AKAP1: variants seen among roughly 807,000 people sequenced by gnomAD.
AKAP1 encodes the protein A-kinase anchor protein 1, mitochondrial.
AKAP1 carries 32 observed loss-of-function variants against 79.8 expected under a neutral mutation model. The observed-to-expected ratio is 0.40, with a 90% confidence interval of 0.30 to 0.54. The LOEUF (loss-of-function observed/expected upper bound fraction) is 0.54, where lower values mean the gene tolerates loss of function less well. AKAP1 is among the 20% of genes least tolerant of loss of function. The pLI is 0.47. For missense variants in AKAP1, 961 were observed against 1,138.9 expected, an observed-to-expected ratio of 0.84 and a Z score of 2.25; for synonymous variants, 416 against 466.7, an observed-to-expected ratio of 0.89 and a Z score of 1.40.
Position 57,090,714 on chromosome 17 carries a change from ACT to A in AKAP1, c.-25+5321_-25+5322del, listed in dbSNP as rs146642274. The stretch of plus-strand genomic sequence containing the variant: ...ACTGAAGTACAGGATCCTACTCTTA[ACT>A]CTCTTGTCTTTCCAAAGCCATATTT... On this transcript the variant is annotated intron_variant, in intron 1 of 10. Transcript: ENST00000337714. 6.4e-3 allele frequency among the ~76,000 whole-genome samples: 970 copies of A among 151,996 alleles called. 12 individuals carry two copies. Among genetic ancestry groups the A allele is most frequent in the African/African-American group, 0.022 (926 of 41,458 alleles).
rs552308780 is a variant in AKAP1, at chr17:57,116,115, G to A, written c.2286G>A (p.Thr762=). The stretch of plus-strand genomic sequence containing the variant: ...ACTCTGCTCCCTACCCTGCAGTAAC[G>A]GTCATCTGTGCCGCCCCTGGTGCGG... ...IPTLPTPVEI[T]VICAAPGADG... is the part of the protein sequence containing the mutation. Residue 762 remains threonine (T), a synonymous_variant, in exon 7 of 11, where the codon ACG becomes ACA. Coordinates refer to ENST00000337714, the MANE Select transcript of AKAP1 (RefSeq NM_003488.4). 34 of 1,612,750 alleles carry A rather than the reference G, an allele frequency of 2.1e-5. No homozygotes were observed. The South Asian group carries it at 3.0e-4, about 14-fold the overall frequency.
At chr17:57,095,389 G>A (rs1852484881) in intron 1 of AKAP1, 1 of 151,108 alleles carries the variant, frequency 6.6e-6, no homozygotes, top group African/African-American at 2.4e-5. Context: ...GGCTGGTCTT[G>A]AGCTCCTGGC....
intron 1 of AKAP1, among the ~76,000 whole-genome samples, chr17:57,104,884 C>T (rs1914744375): frequency 6.6e-6 from 1 of 152,222 alleles, no homozygotes; most frequent in African/African-American, 2.4e-5. Flanking sequence ...TGGTCCCTCA[C>T]CCTGGAGCAT....
At chr17:57,102,386 C>G (rs753888411) in intron 1 of AKAP1, among the ~76,000 whole-genome samples, 43 of 152,054 alleles carry the variant, frequency 2.8e-4, no homozygotes, top group Middle Eastern at 3.2e-3. Context: ...GCTCATATAG[C>G]GCCTCTTCCC....
chr17:57,112,034 A>T, intron 4 of AKAP1, 110 bp downstream of exon 4: 1 of 1,415,024 alleles, frequency 7.1e-7, no homozygotes, highest in South Asian at 1.3e-5. Flanking sequence ...CCTGCTTCTC[A>T]TCCCAGGGAA....
intron 1 of AKAP1, among the ~76,000 whole-genome samples, chr17:57,091,062 C>G (rs974615908): frequency 1.3e-5 from 2 of 152,172 alleles, no homozygotes; most frequent in Admixed American, 6.5e-5. Flanking sequence ...GAGGTTGGGT[C>G]GATGACAGAT....
chr17:57,110,817 T>C (rs1915197193), intron 3 of AKAP1, among the ~76,000 whole-genome samples: 1 of 152,178 alleles, frequency 6.6e-6, no homozygotes, highest in Non-Finnish European at 1.5e-5. Context: ...ACTTCATCAG[T>C]CCCCCATTCC....
chr17:57,113,228 C>T (rs886867123), intron 5 of AKAP1, among the ~76,000 whole-genome samples: 2 of 152,224 alleles, frequency 1.3e-5, no homozygotes, highest in Admixed American at 6.5e-5. Flanking sequence ...CAGGGTCTCT[C>T]AGGGCCGTGG....
In AKAP1 at chr17:57,114,627, C is replaced by G. The variant is rs771687258; in HGVS notation, c.2272C>G (p.Pro758Ala). 2.5e-6 allele frequency: 4 copies of G among 1,613,814 alleles called. No individual in the cohort carries two copies. Among genetic ancestry groups the G allele is most frequent in the Non-Finnish European group, 3.4e-6 (4 of 1,179,902 alleles). ...SQPGIPTLPT[P>A]VEITVICAAP... is the part of the protein sequence containing the mutation. ...GCCTGGAATCCCCACCTTGCCCACC[C>G]CAGTGGAAAGTAAGCAGTGCCCTGA... Residue 758 changes from proline to alanine, a missense_variant, in exon 6 of 11, where the codon CCA becomes GCA. By Grantham distance (27) the Pro-to-Ala change is conservative (BLOSUM62 -1). Coordinates refer to ENST00000337714, the MANE Select transcript of AKAP1 (RefSeq NM_003488.4).
At chr17:57,116,048 A>G in intron 6 of AKAP1, 63 bp from the exon 7 acceptor site, 2 of 1,575,166 alleles carry the variant, frequency 1.3e-6, no homozygotes, top group South Asian at 2.3e-5. Context: ...GGTAGTGGCC[A>G]GGTGGCCCTT....
At chr17:57,091,523 C>A (rs544141682) in intron 1 of AKAP1, among the ~76,000 whole-genome samples, 164 of 152,116 alleles carry the variant, frequency 1.1e-3, no homozygotes, top group Admixed American at 2.8e-3. Context: ...TGGCAGGGGC[C>A]CAGCCTGCCT....
chr17:57,112,157 G>C (rs1182444218), intron 4 of AKAP1, among the ~76,000 whole-genome samples: 2 of 152,036 alleles, frequency 1.3e-5, no homozygotes, highest in Non-Finnish European at 2.9e-5. Flanking sequence ...TGCTTGGTTG[G>C]GCGGGGCCTG....
At chr17:57,107,269 G>A in intron 2 of AKAP1, 91 bp downstream of exon 2, 1 of 1,497,468 alleles carries the variant, frequency 6.7e-7, no homozygotes, top group Non-Finnish European at 9.0e-7. Flanking sequence ...TCTGCTACTT[G>A]TGCAGCAAAG....
At chr17:57,107,453 T>C (rs1342178101) in intron 2 of AKAP1, among the ~76,000 whole-genome samples, 1 of 152,174 alleles carries the variant, frequency 6.6e-6, no homozygotes, top group Non-Finnish European at 1.5e-5. Context: ...TAGCGCCAAG[T>C]TGGGCTCGCT....
rs1347339457 is a variant in AKAP1, at chr17:57,116,194, G to A, written c.2365G>A (p.Val789Met). 1 of 1,614,090 alleles carries A rather than the reference G, an allele frequency of 6.2e-7. No homozygotes were observed. Among genetic ancestry groups the A allele is most frequent in the Non-Finnish European group, 8.5e-7 (1 of 1,180,050 alleles). ...TGCCTCCTACGAGGAGACCAACGAAGTGGAGATTCGATACGTGGACTACGG... is the reference window on the plus strand; with the variant it reads ...TGCCTCCTACGAGGAGACCAACGAAATGGAGATTCGATACGTGGACTACGG... ...VVASYEETNE[V>M]EIRYVDYGGY... The change falls in exon 7 of 11, where the codon GTG becomes ATG. Residue 789 changes from valine (V) to methionine (M), a missense_variant. Transcript: ENST00000337714.
intron 2 of AKAP1, chr17:57,108,142 A>C (rs1177150312): frequency 1.0e-5 from 7 of 687,566 alleles, no homozygotes; most frequent in Middle Eastern, 6.0e-4. Context: ...TGGCTCTCTG[A>C]CTTGTTTGTC....
At position 57,106,694 on chromosome 17, in the gene AKAP1, A is replaced by T; in HGVS notation, c.1230A>T (p.Ala410=). 6 of 1,614,084 alleles carry T rather than the reference A, an allele frequency of 3.7e-6. No individual in the cohort carries two copies. The highest frequency in any genetic ancestry group is 5.1e-6 in the Non-Finnish European group (6 of 1,180,016). The change falls in exon 2 of 11, where the codon GCA becomes GCT. Residue 410 remains alanine, a synonymous_variant. Transcript: ENST00000337714. ...PDTAEPATAE[A]AVAPPDAGLP... ...CTGCGGAGCCTGCCACAGCAGAGGC[A>T]GCTGTTGCCCCGCCGGATGCTGGCC...
intron 1 of AKAP1, among the ~76,000 whole-genome samples, chr17:57,087,051 T>C (rs1913504982): frequency 6.6e-6 from 1 of 152,224 alleles, no homozygotes; most frequent in Non-Finnish European, 1.5e-5. Context: ...AACCTCTAAC[T>C]AGTTTTGTAG....
chr17:57,103,578 T>G (rs1048941894), intron 1 of AKAP1, among the ~76,000 whole-genome samples: 31 of 152,310 alleles, frequency 2.0e-4, no homozygotes, highest in African/African-American at 7.2e-4. Flanking sequence ...GAAAACAATA[T>G]AAGTCAAACC....
Sources: allele counts gnomAD v4.1 joint callset (sites outside exome capture counted in the v4.1 genomes callset), GRCh38; gene constraint gnomAD v4.1.1; transcripts MANE v1.5; gene names NCBI Gene and HGNC (gene_info 2026-07-23, HGNC 2026-07-21).